The following RXFP2 variants were observed in gnomAD, a reference collection of about 807,000 sequenced individuals.
The protein encoded by RXFP2 is relaxin receptor 2.
In RXFP2, 68 loss-of-function variants were observed where a neutral mutation model predicts 88.6. That is an observed-to-expected ratio of 0.77 (90% CI 0.63 to 0.94). RXFP2 has a LOEUF of 0.94. Among genes scored for constraint, RXFP2 ranks in the 40% least tolerant of loss-of-function variants. The pLI is 0.00. For synonymous variants in RXFP2, 329 were observed against 306.8 expected (o/e 1.07, Z -0.76); for missense variants, 791 against 893.9 (o/e 0.88, Z 1.47).
At chr13:31,764,060 T>C (rs918302658) in intron 3 of RXFP2, among the ~76,000 whole-genome samples, 1 of 152,134 alleles carries the variant, frequency 6.6e-6, no homozygotes, top group Admixed American at 6.6e-5. Flanking sequence ...GAAGGGCACC[T>C]GAAAAGAACT....
intron 17 of RXFP2, among the ~76,000 whole-genome samples, chr13:31,799,893 G>A (rs571115240): frequency 6.6e-6 from 1 of 152,236 alleles, no homozygotes; most frequent in South Asian, 2.1e-4. Flanking sequence ...TCCTCACATG[G>A]CAGCAGAACT....
At chr13:31,756,813 G>A (rs1177294038) in intron 1 of RXFP2, among the ~76,000 whole-genome samples, 1 of 151,976 alleles carries the variant, frequency 6.6e-6, no homozygotes, top group South Asian at 2.1e-4. Context: ...TAGAGATAGG[G>A]TTTCACCATG....
intron 1 of RXFP2, among the ~76,000 whole-genome samples, chr13:31,742,309 C>T (rs1263454978): frequency 6.6e-6 from 1 of 152,196 alleles, no homozygotes; most frequent in African/African-American, 2.4e-5. Flanking sequence ...AGTGGCCAGA[C>T]TCAAGGCATG....
chr13:31,769,567 T>C (rs1349640149), intron 5 of RXFP2, among the ~76,000 whole-genome samples: 1 of 151,498 alleles, frequency 6.6e-6, no homozygotes, highest in Non-Finnish European at 1.5e-5. Flanking sequence ...CTAGAATAAA[T>C]ATACTATTAT....
intron 8 of RXFP2, 80 bp downstream of exon 8, chr13:31,777,527 A>T: frequency 9.0e-7 from 1 of 1,109,260 alleles, no homozygotes; most frequent in Non-Finnish European, 1.3e-6. Context: ...AAGAACTTTT[A>T]AAAAAATCAA....
chr13:31,775,254 T>C (rs537739993), intron 6 of RXFP2, 64 bp from the exon 7 acceptor site: 36 of 1,238,530 alleles, frequency 2.9e-5, no homozygotes, highest in South Asian at 9.6e-5. Context: ...GCTCATATTC[T>C]AATTATATGT....
intron 3 of RXFP2, 27 bp from the exon 4 acceptor site, chr13:31,765,010 G>A (rs532456986): frequency 1.6e-6 from 2 of 1,219,444 alleles, no homozygotes; most frequent in African/African-American, 1.5e-5. Flanking sequence ...GTTTACTAGT[G>A]AAATCTTACT....
intron 1 of RXFP2, among the ~76,000 whole-genome samples, chr13:31,754,954 T>C (rs1871866494): frequency 6.6e-6 from 1 of 152,222 alleles, no homozygotes; most frequent in South Asian, 2.1e-4. Context: ...TCTATTTTCT[T>C]ACATTGTATG....
chr13:31,789,084 A>G (rs1197534318), intron 13 of RXFP2, 38 bp from the exon 14 acceptor site: 1 of 1,293,930 alleles, frequency 7.7e-7, no homozygotes, highest in African/African-American at 1.5e-5. Flanking sequence ...AAAACGTTTC[A>G]TCTCAACACC....
At chr13:31,773,675 G>A (rs900707450) in intron 5 of RXFP2, among the ~76,000 whole-genome samples, 3 of 152,106 alleles carry the variant, frequency 2.0e-5, no homozygotes, top group African/African-American at 7.2e-5. Flanking sequence ...TGACTCAGAG[G>A]CAAAGGCTGG....
rs762383747 is a variant in RXFP2 at position 31,792,911 on chromosome 13, CA to C, written c.1610del (p.Gln537ArgfsTer15). The C allele has an allele frequency of 5.0e-6, 8 of 1,614,042 alleles. No homozygotes were observed. The highest frequency in any genetic ancestry group is 1.3e-5 in the African/African-American group (1 of 74,912). ...CAGTAACATTCGACCTGGAAAACGG[CA>C]GACCTCAGTCATCCTCATTTGCATC... is the stretch of plus-strand genomic sequence containing the variant. ...PFSNIRPGKR[Q>X]TSVILICIWM... On this transcript the variant is annotated frameshift_variant, in exon 16 of 18. Transcript: ENST00000298386. LOFTEE classifies it high-confidence loss of function.
At chr13:31,742,142 A>G (rs1199040343) in intron 1 of RXFP2, among the ~76,000 whole-genome samples, 1 of 152,208 alleles carries the variant, frequency 6.6e-6, no homozygotes, top group Non-Finnish European at 1.5e-5. Context: ...CAAATCAAAA[A>G]CATGGGCTTA....
Position 31,758,276 on chromosome 13 carries a change from G to A in RXFP2, c.113G>A (p.Gly38Asp), listed in dbSNP as rs1205024505. Residue 38 changes from glycine to aspartate, a missense_variant, in exon 2 of 18, where the codon GGT becomes GAT. Coordinates refer to ENST00000298386, the MANE Select transcript of RXFP2 (RefSeq NM_130806.5). ...CATGTAGATTTTGCACTGACTCAAGGTAGCATGATCACTCCTTCATGCCAA... is the reference window on the plus strand; with the variant it reads ...CATGTAGATTTTGCACTGACTCAAGATAGCATGATCACTCCTTCATGCCAA... ...INVKDFALTQ[G>D]SMITPSCQKG... The A allele has an allele frequency of 4.3e-6, 7 of 1,613,922 alleles. No individual in the cohort carries two copies. Among genetic ancestry groups the A allele is most frequent in the Non-Finnish European group, 5.1e-6 (6 of 1,179,960 alleles).
chr13:31,739,754 T>A, intron 1 of RXFP2, 48 bp downstream of exon 1: 1 of 1,166,036 alleles, frequency 8.6e-7, no homozygotes. Context: ...TCCCAAAAAA[T>A]ACATTTCTAT....
At chr13:31,790,671 G>A (rs950933385) in intron 14 of RXFP2, among the ~76,000 whole-genome samples, 1 of 152,212 alleles carries the variant, frequency 6.6e-6, no homozygotes, top group African/African-American at 2.4e-5. Context: ...AGGAGCAAGT[G>A]AGTAAATAGT....
At position 31,777,980 on chromosome 13, in the gene RXFP2, CATT is replaced by C. The variant is rs377608492; in HGVS notation, c.714-528_714-526del. Among the ~76,000 whole-genome samples, 1,049 of 152,264 alleles carry C rather than the reference CATT, an allele frequency of 6.9e-3. 11 individuals are homozygous for C. The highest frequency in any genetic ancestry group is 0.024 in the African/African-American group (994 of 41,558). On this transcript the variant is annotated intron_variant, in intron 8 of 17. Coordinates refer to ENST00000298386, the MANE Select transcript of RXFP2 (RefSeq NM_130806.5). ...TCCTTTACAACTGATCATATAACATCATTATTTTTCCATTTGTCAAAAGGAACC... is the reference window on the plus strand; with the variant it reads ...TCCTTTACAACTGATCATATAACATCATTTTTCCATTTGTCAAAAGGAACC...
chr13:31,742,840 A>T (rs1322571), intron 1 of RXFP2, among the ~76,000 whole-genome samples: 7 of 152,056 alleles, frequency 4.6e-5, no homozygotes, highest in Non-Finnish European at 1.0e-4. Context: ...GCAACAAAAA[A>T]TGCAACTAAT....
chr13:31,776,140 TTC>T (rs1156289271), intron 7 of RXFP2, among the ~76,000 whole-genome samples: 385 of 142,608 alleles, frequency 2.7e-3, no homozygotes, highest in African/African-American at 8.4e-3. Flanking sequence ...CTTTCTTTCT[TTC>T]TCTTTCTCTC....
intron 16 of RXFP2, among the ~76,000 whole-genome samples, chr13:31,795,131 T>G (rs1163589446): frequency 6.6e-6 from 1 of 152,146 alleles, no homozygotes; most frequent in African/African-American, 2.4e-5. Flanking sequence ...CTTATATTAC[T>G]ATCGTGCATT....
Sources: allele counts gnomAD v4.1 joint callset (sites outside exome capture counted in the v4.1 genomes callset), GRCh38; gene constraint gnomAD v4.1.1; transcripts MANE v1.5; gene names NCBI Gene and HGNC (gene_info 2026-07-23, HGNC 2026-07-21).